The following RBFOX1 variants were observed in gnomAD, a reference collection of about 807,000 sequenced individuals.
The protein encoded by RBFOX1 is RNA binding fox-1 homolog 1, also known as RNA binding protein fox-1 homolog 1.
A neutral mutation model predicts 57.7 loss-of-function variants in RBFOX1; 8 were observed. The observed-to-expected ratio is 0.14, with a 90% CI of 0.08 to 0.25. The LOEUF is 0.25. Among genes scored for constraint, RBFOX1 ranks in the 10% least tolerant of loss-of-function variants. The pLI is 1.00. For synonymous variants in RBFOX1, 326 were observed against 222.4 expected, an observed-to-expected ratio of 1.47 and a Z score of -4.15; for missense variants, 611 against 548.5, an observed-to-expected ratio of 1.11 and a Z score of -1.14.
chr16:5,976,866 C>T (rs1450085351), intron 4 of RBFOX1, among the ~76,000 whole-genome samples: 1 of 152,128 alleles, frequency 6.6e-6, no homozygotes, highest in East Asian at 1.9e-4. Context: ...AAGACTCTGT[C>T]AATCAATGTA....
At chr16:7,162,130 C>T (rs778785810) in intron 4 of RBFOX1, among the ~76,000 whole-genome samples, 1 of 152,164 alleles carries the variant, frequency 6.6e-6, no homozygotes, top group African/African-American at 2.4e-5. Flanking sequence ...CTCCAAGAGA[C>T]GTGCCAGGGA....
At chr16:6,821,371 GTT>G (rs1434298589) in intron 3 of RBFOX1, among the ~76,000 whole-genome samples, 1 of 152,108 alleles carries the variant, frequency 6.6e-6, no homozygotes, top group East Asian at 1.9e-4. Flanking sequence ...CTTTGATACT[GTT>G]TTATTTTAAA....
intron 4 of RBFOX1, among the ~76,000 whole-genome samples, chr16:7,357,170 TTTGAATTCTGCA>T (rs2097231377): frequency 6.6e-6 from 1 of 151,884 alleles, no homozygotes. Flanking sequence ...ACACAAGGAT[TTTGAATTCTGCA>T]AGCATACACG....
At chr16:6,890,885 CAG>C (rs1596331220) in intron 3 of RBFOX1, among the ~76,000 whole-genome samples, 1 of 152,134 alleles carries the variant, frequency 6.6e-6, no homozygotes, top group African/African-American at 2.4e-5. Flanking sequence ...GGGATGAAGT[CAG>C]GGGTATGAAG....
chr16:5,629,334 G>A (rs1158087336), intron 3 of RBFOX1, among the ~76,000 whole-genome samples: 1 of 152,184 alleles, frequency 6.6e-6, no homozygotes, highest in Non-Finnish European at 1.5e-5. Context: ...AATGGATACA[G>A]CAGCTAACAA....
At chr16:7,505,272 G>A (rs906679750) in intron 4 of RBFOX1, among the ~76,000 whole-genome samples, 4 of 150,270 alleles carry the variant, frequency 2.7e-5, no homozygotes, top group East Asian at 1.9e-4. Context: ...AACCAGACAA[G>A]GTTCCTATAC....
chr16:7,285,315 G>T (rs1246926523), intron 4 of RBFOX1, among the ~76,000 whole-genome samples: 2 of 151,696 alleles, frequency 1.3e-5, no homozygotes, highest in South Asian at 4.2e-4. Context: ...ATCACATCTA[G>T]GATATTGATG....
chr16:6,936,636 G>A (rs1312152983), intron 3 of RBFOX1, among the ~76,000 whole-genome samples: 2 of 151,934 alleles, frequency 1.3e-5, no homozygotes, highest in South Asian at 2.1e-4. Flanking sequence ...AGCACTATAA[G>A]GTAATTATGA....
chr16:7,447,449 A>AAAAAAAT (rs1555461272), intron 4 of RBFOX1, among the ~76,000 whole-genome samples: 2 of 151,364 alleles, frequency 1.3e-5, no homozygotes, highest in African/African-American at 2.4e-5. Flanking sequence ...AAAAAAAAAA[A>AAAAAAAT]AGAGAGATTC....
intron 3 of RBFOX1, among the ~76,000 whole-genome samples, chr16:7,024,977 A>T (rs951486295): frequency 1.3e-5 from 2 of 152,132 alleles, no homozygotes; most frequent in Admixed American, 6.5e-5. Flanking sequence ...ACCAGGCAAG[A>T]AGCAGAGATG....
intron 2 of RBFOX1, among the ~76,000 whole-genome samples, chr16:6,346,024 G>C (rs1333914741): frequency 6.6e-6 from 1 of 152,166 alleles, no homozygotes; most frequent in East Asian, 1.9e-4. Context: ...TTGAGTTTCT[G>C]ATTAGCCTTT....
At chr16:6,330,098 A>T (rs1043169578) in intron 2 of RBFOX1, among the ~76,000 whole-genome samples, 2 of 152,214 alleles carry the variant, frequency 1.3e-5, no homozygotes, top group African/African-American at 4.8e-5. Flanking sequence ...CACACTGTAC[A>T]ATAATGTATG....
chr16:7,206,428 CAT>C (rs1311738550), intron 4 of RBFOX1, among the ~76,000 whole-genome samples: 5 of 147,314 alleles, frequency 3.4e-5, no homozygotes, highest in African/African-American at 7.6e-5. Flanking sequence ...TATATATATA[CAT>C]ATATGTATTA....
intron 4 of RBFOX1, among the ~76,000 whole-genome samples, chr16:7,409,588 G>A (rs75626492): frequency 0.045 from 6,776 of 152,190 alleles, 523 homozygotes; most frequent in African/African-American, 0.16. Context: ...GTATGTGTGC[G>A]TAATACATAT....
chr16:6,991,468 A>T (rs17141971), intron 3 of RBFOX1, among the ~76,000 whole-genome samples: 17,135 of 152,182 alleles, frequency 0.11, 1,474 homozygotes, highest in East Asian at 0.27. Flanking sequence ...AAATACGTAG[A>T]TAAGTCCTTT....
intron 1 of RBFOX1, among the ~76,000 whole-genome samples, chr16:5,425,007 T>C (rs1319205549): frequency 7.3e-6 from 1 of 136,720 alleles, no homozygotes; most frequent in African/African-American, 2.8e-5. Context: ...TCTTTTCTTT[T>C]CTTTTCTTTC....
At chr16:6,344,773 C>T (rs1475211428) in intron 2 of RBFOX1, among the ~76,000 whole-genome samples, 2 of 145,930 alleles carry the variant, frequency 1.4e-5, no homozygotes, top group South Asian at 2.2e-4. Context: ...TTACTGCAAC[C>T]TCCACCACCT....
intron 3 of RBFOX1, among the ~76,000 whole-genome samples, chr16:5,786,358 G>A (rs779607249): frequency 1.6e-4 from 25 of 152,110 alleles, no homozygotes; most frequent in Non-Finnish European, 3.1e-4. Context: ...CCTTGATAAC[G>A]TCCATTCCTC....
At chr16:6,451,950 G>C (rs2094636398) in intron 2 of RBFOX1, among the ~76,000 whole-genome samples, 1 of 124,758 alleles carries the variant, frequency 8.0e-6, no homozygotes, top group African/African-American at 3.2e-5. Flanking sequence ...CCTCCCATGA[G>C]TCCACCCATG....
Sources: allele counts gnomAD v4.1 joint callset (sites outside exome capture counted in the v4.1 genomes callset), GRCh38; gene constraint gnomAD v4.1.1; transcripts MANE v1.5; gene names NCBI Gene and HGNC (gene_info 2026-07-23, HGNC 2026-07-21).